ANKRD42: variants seen among roughly 807,000 people sequenced by gnomAD.
The protein encoded by ANKRD42 is ankyrin repeat domain-containing protein 42.
In ANKRD42, 43 loss-of-function variants were observed where a neutral mutation model predicts 51.5. The observed-to-expected ratio is 0.83, with a 90% CI of 0.65 to 1.08. ANKRD42 has a LOEUF of 1.08. Among genes scored for constraint, ANKRD42 ranks in the 50% least tolerant of loss-of-function variants. The pLI is 0.00. For missense variants in ANKRD42, 608 were observed against 629.3 expected, an observed-to-expected ratio of 0.97 and a Z score of 0.36; for synonymous variants, 203 against 213.0, an observed-to-expected ratio of 0.95 and a Z score of 0.41.
At chr11:83,228,943 G>GT (rs200966901) in intron 7 of ANKRD42, among the ~76,000 whole-genome samples, 6 of 74,218 alleles carry the variant, frequency 8.1e-5, no homozygotes, top group South Asian at 4.7e-4. Context: ...AGTTTTTTTT[G>GT]TTTTTTTTTG....
At chr11:83,246,853 T>A (rs1863556256) in intron 10 of ANKRD42, among the ~76,000 whole-genome samples, 1 of 152,208 alleles carries the variant, frequency 6.6e-6, no homozygotes, top group African/African-American at 2.4e-5. Context: ...ATATAAGGAT[T>A]AATGTGTCAT....
chr11:83,201,058 T>A (rs897377340), intron 2 of ANKRD42, among the ~76,000 whole-genome samples: 9 of 152,182 alleles, frequency 5.9e-5, no homozygotes, highest in African/African-American at 1.9e-4. Flanking sequence ...GGTATACATA[T>A]GCCATGGTGG....
intron 5 of ANKRD42, chr11:83,213,484 A>G: frequency 1.5e-6 from 2 of 1,353,552 alleles, no homozygotes; most frequent in Non-Finnish European, 1.9e-6. Flanking sequence ...ACAAAAAATT[A>G]TTTTGTGTTA....
At chr11:83,261,725 C>A, downstream of ANKRD42, 1 of 452,228 alleles carries the variant, frequency 2.2e-6, no homozygotes. Context: ...CACACACCTG[C>A]ACTCACACAC....
intron 2 of ANKRD42, among the ~76,000 whole-genome samples, chr11:83,202,204 T>G (rs1203525604): frequency 6.6e-6 from 1 of 152,240 alleles, no homozygotes; most frequent in Non-Finnish European, 1.5e-5. Context: ...TTCAGTTTTC[T>G]GCATATGGCT....
At chr11:83,204,092 G>A (rs898832703) in intron 2 of ANKRD42, among the ~76,000 whole-genome samples, 10 of 151,956 alleles carry the variant, frequency 6.6e-5, no homozygotes, top group Admixed American at 6.6e-4. Flanking sequence ...GCAGGTGCCC[G>A]CCACCACGCC....
At position 83,247,932 on chromosome 11, in the gene ANKRD42, G is replaced by C; in HGVS notation, c.1323-11G>C. 6.4e-7 allele frequency: 1 copy of C among 1,574,616 alleles called. No individual in the cohort carries two copies. The highest frequency in any genetic ancestry group is 8.6e-7 in the Non-Finnish European group (1 of 1,165,740). On this transcript the variant is annotated splice_polypyrimidine_tract_variant and intron_variant, in intron 10 of 10. Transcript: ENST00000533342. The stretch of plus-strand genomic sequence containing the variant: ...TGATGATTGATTTTTAAAAAATTTT[G>C]TTTTTGATAGGACCATCAAAGAACT...
chr11:83,218,712 TGAA>T (rs1862619888), intron 5 of ANKRD42, among the ~76,000 whole-genome samples: 1 of 151,990 alleles, frequency 6.6e-6, no homozygotes, highest in Non-Finnish European at 1.5e-5. Context: ...TGGGGCTGGA[TGAA>T]GGAGAGTCAG....
At chr11:83,207,675 TC>T (rs1409108627) in intron 3 of ANKRD42, among the ~76,000 whole-genome samples, 1 of 152,212 alleles carries the variant, frequency 6.6e-6, no homozygotes, top group Non-Finnish European at 1.5e-5. Flanking sequence ...TTCTGTGAGT[TC>T]CCTTTTATAT....
intron 7 of ANKRD42, among the ~76,000 whole-genome samples, chr11:83,232,339 T>C (rs1400608069): frequency 6.6e-6 from 1 of 152,128 alleles, no homozygotes; most frequent in Non-Finnish European, 1.5e-5. Flanking sequence ...AGGTATTTAA[T>C]TTTATTTGTG....
At chr11:83,210,003 A>G (rs1862245534) in intron 3 of ANKRD42, 2 of 363,800 alleles carry the variant, frequency 5.5e-6, no homozygotes, top group African/African-American at 2.1e-5. Flanking sequence ...TGTTGTATGT[A>G]TGGCAACTTG....
At chr11:83,196,476 A>C (rs944974931) in intron 1 of ANKRD42, among the ~76,000 whole-genome samples, 2 of 151,188 alleles carry the variant, frequency 1.3e-5, no homozygotes, top group African/African-American at 4.9e-5. Flanking sequence ...AGGCCTACTC[A>C]CTGCTCCTAC....
chr11:83,223,132 C>T (rs972731630), intron 5 of ANKRD42, among the ~76,000 whole-genome samples: 3 of 152,154 alleles, frequency 2.0e-5, no homozygotes, highest in African/African-American at 4.8e-5. Context: ...CACCTGTAAT[C>T]CCAGCTACTT....
chr11:83,207,908 G>C (rs913736008), intron 3 of ANKRD42, among the ~76,000 whole-genome samples: 1 of 152,110 alleles, frequency 6.6e-6, no homozygotes, highest in Non-Finnish European at 1.5e-5. Flanking sequence ...TGGATAGACT[G>C]GTTTTGTAAA....
intron 9 of ANKRD42, among the ~76,000 whole-genome samples, chr11:83,241,902 C>G (rs756185528): frequency 1.3e-4 from 20 of 152,078 alleles, no homozygotes; most frequent in Non-Finnish European, 2.5e-4. Context: ...GGGAAGAGAA[C>G]ATACTCCATC....
chr11:83,252,369 G>T (rs1264145002), downstream of ANKRD42, among the ~76,000 whole-genome samples: 7 of 152,120 alleles, frequency 4.6e-5, no homozygotes, highest in Non-Finnish European at 8.8e-5. Flanking sequence ...GTTTCTTTGT[G>T]TACACAGATG....
rs1227381535 is a variant in ANKRD42 at position 83,209,629 on chromosome 11, A to C, written c.331-671A>C. On this transcript the variant is annotated intron_variant, in intron 3 of 10. Transcript: ENST00000533342. ...TCCGGTGCCCACTACCCAAGAAGCCAAAGAAATGAAGCTGGCAAGCTGCTT... is the reference window on the plus strand; with the variant it reads ...TCCGGTGCCCACTACCCAAGAAGCCCAAGAAATGAAGCTGGCAAGCTGCTT... The C allele has an allele frequency of 3.6e-6, 3 of 839,966 alleles. No individual in the cohort carries two copies. In the African/African-American group the frequency reaches 5.0e-5, roughly 14 times the overall value. The allele number at this position is 839,966 out of a possible 1,614,324, so 52.0% of individuals were successfully genotyped here.
chr11:83,263,372 CTGT>C (rs780851656), downstream of ANKRD42, among the ~76,000 whole-genome samples: 3 of 152,286 alleles, frequency 2.0e-5, no homozygotes, highest in East Asian at 1.9e-4. Context: ...TTTCTCATGG[CTGT>C]TGTTGCAGTA....
At chr11:83,257,342 A>G (rs1230612509), downstream of ANKRD42, 1 of 454,714 alleles carries the variant, frequency 2.2e-6, no homozygotes, top group Non-Finnish European at 4.4e-6. Flanking sequence ...GCTGGCTCCA[A>G]GAGAGTCATA....
Sources: allele counts gnomAD v4.1 joint callset (sites outside exome capture counted in the v4.1 genomes callset), GRCh38; gene constraint gnomAD v4.1.1; transcripts MANE v1.5; gene names NCBI Gene and HGNC (gene_info 2026-07-23, HGNC 2026-07-21).